Variants in PROM1 observed in about 807,000 individuals in gnomAD.
PROM1 encodes prominin-1.
In PROM1, 105 loss-of-function variants were observed where a neutral mutation model predicts 116.9. The ratio of observed to expected loss-of-function variants is 0.90; its 90% confidence interval spans 0.77 to 1.06. The LOEUF is 1.06. PROM1 is among the 50% of genes least tolerant of loss of function. PROM1 has a pLI of 0.00. For synonymous variants in PROM1, 393 were observed against 387.0 expected (o/e 1.02, Z -0.18); for missense variants, 1,122 against 1,045.2 (o/e 1.07, Z -1.01).
intron 8 of PROM1, among the ~76,000 whole-genome samples, chr4:16,018,865 G>A (rs1264660655): frequency 2.6e-5 from 4 of 152,126 alleles, no homozygotes; most frequent in African/African-American, 9.7e-5. Context: ...ACCCAGCCTC[G>A]AAGAGCTCAG....
chr4:15,998,570 G>C lies in PROM1; in HGVS notation c.1579-82C>G, dbSNP rs571031494. 10 of 1,304,690 alleles carry C rather than the reference G, an allele frequency of 7.7e-6. No homozygotes were observed. In the African/African-American group the frequency reaches 1.5e-4, roughly 20 times the overall value. The allele number at this position is 1,304,690 out of a possible 1,614,324, so 80.8% of individuals were successfully genotyped here. On this transcript the variant is annotated intron_variant, in intron 14 of 27. Coordinates refer to ENST00000447510, the MANE Select transcript of PROM1 (RefSeq NM_006017.3). ...AATATAATAAAATTAATATTCTGTT[G>C]AATGTATTTTGGAAATTTTTCATAA...
intron 2 of PROM1, among the ~76,000 whole-genome samples, chr4:16,062,862 G>C (rs1740657743): frequency 1.3e-5 from 2 of 152,140 alleles, no homozygotes; most frequent in Admixed American, 6.5e-5. Context: ...AGATGCCCGT[G>C]ATATAATGTT....
intron 23 of PROM1, among the ~76,000 whole-genome samples, chr4:15,981,802 A>G (rs1291350101): frequency 6.6e-6 from 1 of 152,226 alleles, no homozygotes; most frequent in Non-Finnish European, 1.5e-5. Context: ...ATGTTAAAGT[A>G]TCCTTTTTTA....
intron 13 of PROM1, among the ~76,000 whole-genome samples, chr4:16,002,496 T>C (rs1419540420): frequency 6.6e-6 from 1 of 152,122 alleles, no homozygotes; most frequent in African/African-American, 2.4e-5. Context: ...CACCACAGCA[T>C]CCCCTCCTAA....
intron 2 of PROM1, among the ~76,000 whole-genome samples, chr4:16,050,790 T>C (rs1008325228): frequency 3.3e-5 from 5 of 152,250 alleles, no homozygotes; most frequent in African/African-American, 1.2e-4. Context: ...CATAGTTTTT[T>C]CCATATACAC....
At chr4:16,069,885 T>A (rs1173721608) in intron 2 of PROM1, among the ~76,000 whole-genome samples, 1 of 152,130 alleles carries the variant, frequency 6.6e-6, no homozygotes, top group Non-Finnish European at 1.5e-5. Context: ...AAAACACAAC[T>A]GAGGTACAGG....
intron 11 of PROM1, among the ~76,000 whole-genome samples, chr4:16,009,475 C>T (rs937769307): frequency 9.2e-5 from 14 of 152,144 alleles, no homozygotes; most frequent in Non-Finnish European, 1.8e-4. Context: ...TATTCTCATT[C>T]CCCATTTTGC....
intron 16 of PROM1, among the ~76,000 whole-genome samples, chr4:15,992,837 G>A (rs1028954301): frequency 4.6e-5 from 7 of 152,166 alleles, no homozygotes; most frequent in Admixed American, 3.9e-4. Context: ...ACACACAACA[G>A]CTGGGAGTAG....
intron 2 of PROM1, among the ~76,000 whole-genome samples, chr4:16,046,768 G>A (rs944709933): frequency 6.6e-6 from 1 of 152,164 alleles, no homozygotes; most frequent in African/African-American, 2.4e-5. Context: ...TCGACTCACG[G>A]AATCACACTG....
Position 15,994,039 on chromosome 4 carries a change from G to A in PROM1, c.1715C>T (p.Thr572Ile), listed in dbSNP as rs1186990252. The A allele has an allele frequency of 1.9e-6, 3 of 1,613,886 alleles. No homozygotes were observed. The highest frequency in any genetic ancestry group is 1.1e-5 in the South Asian group (1 of 91,080). The change falls in exon 16 of 28, where the codon ACT becomes ATT. Residue 572 changes from threonine to isoleucine, a missense_variant. Thr to Ile is a moderately conservative substitution (Grantham distance 89). Transcript: ENST00000447510. ...ATTGAAGCTGTTCTGCAGGTGAAGA[G>A]TGCCGTAAGTGCCTCTATTTTTTTT... ...DCKKNRGTYGTLHLQNSFNIS... is the reference protein window; with the variant it reads ...DCKKNRGTYGILHLQNSFNIS...
intron 15 of PROM1, among the ~76,000 whole-genome samples, chr4:15,995,277 G>A (rs1377184852): frequency 6.6e-6 from 1 of 151,342 alleles, no homozygotes; most frequent in Non-Finnish European, 1.5e-5. Context: ...GGATGGAATG[G>A]GAACAAGGAG....
intron 8 of PROM1, among the ~76,000 whole-genome samples, chr4:16,019,111 C>CA (rs771126417): frequency 3.9e-5 from 6 of 152,108 alleles, no homozygotes; most frequent in Non-Finnish European, 2.9e-5. Flanking sequence ...ACTGAAACAC[C>CA]ACCACATTCA....
chr4:15,993,343 G>T (rs1274265484), intron 16 of PROM1, among the ~76,000 whole-genome samples: 1 of 152,152 alleles, frequency 6.6e-6, no homozygotes, highest in East Asian at 1.9e-4. Context: ...ACGGGGAGTG[G>T]GGTTGGTCTA....
At chr4:16,051,603 C>T (rs959020489) in intron 2 of PROM1, among the ~76,000 whole-genome samples, 27 of 152,190 alleles carry the variant, frequency 1.8e-4, no homozygotes, top group African/African-American at 5.6e-4. Context: ...TTGAGTGCAA[C>T]ACGTAAGGCC....
In PROM1 at chr4:16,076,033, T is replaced by G. The variant is rs886059206; in HGVS notation, c.-127A>C. ...AGCAGGAAGCACTGGATCTGCTGAA[T>G]CTTCAGTTTTCTGTCTGAGGCTGGC... On this transcript the variant is annotated 5_prime_UTR_variant, in exon 2 of 28. Coordinates refer to ENST00000447510, the MANE Select transcript of PROM1 (RefSeq NM_006017.3). The G allele has an allele frequency of 7.0e-7, 1 of 1,438,622 alleles. No homozygotes were observed. The highest frequency in any genetic ancestry group is 1.6e-5 in the South Asian group (1 of 64,344). 89.1% of individuals were successfully genotyped at this position (1,438,622 alleles called of 1,614,324 possible).
chr4:15,994,030 A>G lies in PROM1; in HGVS notation c.1724T>C (p.Leu575Pro). The change falls in exon 16 of 28, where the codon CTG (leucine) becomes CCG (proline). Residue 575 changes from leucine to proline, a missense_variant. By Grantham distance (98) the Leu-to-Pro change is moderately conservative. Transcript: ENST00000447510. ...KNRGTYGTLH[L>P]QNSFNISEHL... The stretch of plus-strand genomic sequence containing the variant: ...TTCACTGATATTGAAGCTGTTCTGC[A>G]GGTGAAGAGTGCCGTAAGTGCCTCT... 6.2e-7 allele frequency: 1 copy of G among 1,613,982 alleles called. No homozygotes were observed. The highest frequency in any genetic ancestry group is 2.2e-5 in the East Asian group (1 of 44,886).
intron 12 of PROM1, among the ~76,000 whole-genome samples, chr4:16,007,699 A>C (rs1406175546): frequency 1.3e-5 from 2 of 152,214 alleles, no homozygotes; most frequent in African/African-American, 4.8e-5. Context: ...GGGAAAAGGA[A>C]GGGAGATGGA....
chr4:15,978,948 C>A (rs911299062), intron 26 of PROM1, among the ~76,000 whole-genome samples: 2 of 149,772 alleles, frequency 1.3e-5, no homozygotes, highest in African/African-American at 4.9e-5. Context: ...AATTGAGGTT[C>A]TTTTTCTGGT....
intron 2 of PROM1, among the ~76,000 whole-genome samples, chr4:16,040,891 T>C (rs114431245): frequency 0.01 from 1,598 of 152,236 alleles, 34 homozygotes; most frequent in African/African-American, 0.036. Flanking sequence ...CTTTTTTTTT[T>C]CCCTTACAAA....
Sources: gnomAD v4.1 joint callset for allele counts (sites outside exome capture counted in the v4.1 genomes callset) on GRCh38, gnomAD v4.1.1 for gene constraint, MANE v1.5 for transcripts, NCBI Gene and HGNC (gene_info 2026-07-23, HGNC 2026-07-21) for gene names.